Variants in GREM2 observed in about 807,000 individuals in gnomAD.
GREM2 encodes gremlin-2.
In GREM2, 11 loss-of-function variants were observed where a neutral mutation model predicts 14.2. The ratio of observed to expected loss-of-function variants is 0.78; its 90% confidence interval spans 0.49 to 1.28. The LOEUF (loss-of-function observed/expected upper bound fraction) is 1.28. Ranked by LOEUF, GREM2 falls within the 50% of genes most tolerant of loss-of-function variation. The pLI is 0.00. For missense variants in GREM2, 210 were observed against 218.5 expected (o/e 0.96, Z 0.24); for synonymous variants, 98 against 97.6 (o/e 1.00, Z -0.02).
At chr1:240,605,407 G>GT (rs1163768842) in intron 1 of GREM2, among the ~76,000 whole-genome samples, 4 of 152,074 alleles carry the variant, frequency 2.6e-5, no homozygotes, top group Non-Finnish European at 5.9e-5. Flanking sequence ...AACGTGAGAG[G>GT]TTGAGGCTGC....
intron 1 of GREM2, among the ~76,000 whole-genome samples, chr1:240,562,958 GTGAGTGTGTGTA>G (rs1312759596): frequency 8.7e-6 from 1 of 115,340 alleles, no homozygotes; most frequent in African/African-American, 3.9e-5. Context: ...GTGTATGTGT[GTGAGTGTGTGTA>G]TGTGTGTATA....
At chr1:240,525,806 G>A (rs10802884) in intron 1 of GREM2, among the ~76,000 whole-genome samples, 3,257 of 152,206 alleles carry the variant, frequency 0.021, 105 homozygotes, top group African/African-American at 0.072. Flanking sequence ...GAGTTCTGTC[G>A]GTTAGAAATC....
intron 1 of GREM2, among the ~76,000 whole-genome samples, chr1:240,606,214 C>T (rs2102874559): frequency 6.6e-6 from 1 of 152,206 alleles, no homozygotes; most frequent in East Asian, 1.9e-4. Flanking sequence ...CAGTTTTGTG[C>T]TGAGAAATAA....
intron 1 of GREM2, among the ~76,000 whole-genome samples, chr1:240,573,993 C>T (rs1234861596): frequency 6.6e-6 from 1 of 152,180 alleles, no homozygotes; most frequent in Non-Finnish European, 1.5e-5. Flanking sequence ...GATCTTGGCT[C>T]ACAGCAACCT....
At chr1:240,554,367 C>A (rs1007493457) in intron 1 of GREM2, among the ~76,000 whole-genome samples, 1 of 150,556 alleles carries the variant, frequency 6.6e-6, no homozygotes, top group Admixed American at 6.6e-5. Flanking sequence ...GCTGAGACCC[C>A]GCCACTGCAC....
At chr1:240,510,227 G>C (rs1303934950) in intron 1 of GREM2, among the ~76,000 whole-genome samples, 1 of 151,790 alleles carries the variant, frequency 6.6e-6, no homozygotes, top group Non-Finnish European at 1.5e-5. Context: ...GAAATGAGCC[G>C]GGCGTGGTGG....
At chr1:240,525,930 A>C (rs766502876) in intron 1 of GREM2, among the ~76,000 whole-genome samples, 52 of 152,158 alleles carry the variant, frequency 3.4e-4, no homozygotes, top group Non-Finnish European at 2.1e-4. Flanking sequence ...AGTTGTGTAC[A>C]TTGATTGGCT....
At chr1:240,549,007 G>C (rs1217947502) in intron 1 of GREM2, among the ~76,000 whole-genome samples, 1 of 152,122 alleles carries the variant, frequency 6.6e-6, no homozygotes, top group Non-Finnish European at 1.5e-5. Context: ...AACAGATCCA[G>C]TCAAGGAAGC....
At chr1:240,609,029 A>ATGAAAT in intron 1 of GREM2, among the ~76,000 whole-genome samples, 1 of 152,322 alleles carries the variant, frequency 6.6e-6, no homozygotes, top group Middle Eastern at 3.4e-3. Context: ...GAGTTTATTT[A>ATGAAAT]AAATATTCAG....
intron 1 of GREM2, among the ~76,000 whole-genome samples, chr1:240,571,622 C>G (rs1020990720): frequency 3.9e-5 from 6 of 151,956 alleles, no homozygotes; most frequent in Admixed American, 2.6e-4. Context: ...CTTTTGTACC[C>G]GGGAGGCAGA....
intron 1 of GREM2, among the ~76,000 whole-genome samples, chr1:240,586,351 C>G (rs1036243669): frequency 5.9e-5 from 9 of 152,154 alleles, no homozygotes; most frequent in African/African-American, 1.4e-4. Context: ...TTCTCCTGAT[C>G]ACTACTTAGC....
chr1:240,509,658 G>A (rs1345612990), intron 1 of GREM2, among the ~76,000 whole-genome samples: 2 of 152,082 alleles, frequency 1.3e-5, no homozygotes, highest in African/African-American at 2.4e-5. Flanking sequence ...ATGAGCCACT[G>A]CACCCGGTGC....
intron 1 of GREM2, among the ~76,000 whole-genome samples, chr1:240,594,163 A>G (rs1679768844): frequency 6.6e-6 from 1 of 152,066 alleles, no homozygotes; most frequent in Admixed American, 6.5e-5. Context: ...CAAGTTTCCC[A>G]GGCTGGTCTT....
At chr1:240,504,881 T>C (rs1464910279) in intron 1 of GREM2, among the ~76,000 whole-genome samples, 4 of 152,200 alleles carry the variant, frequency 2.6e-5, no homozygotes, top group Non-Finnish European at 5.9e-5. Flanking sequence ...ATATTCTATT[T>C]ATGTGAACAC....
At chr1:240,521,409 A>T (rs1210840765) in intron 1 of GREM2, among the ~76,000 whole-genome samples, 3 of 151,826 alleles carry the variant, frequency 2.0e-5, no homozygotes, top group East Asian at 1.9e-4. Flanking sequence ...TCTACTAAAA[A>T]TACAAAAAAC....
intron 1 of GREM2, among the ~76,000 whole-genome samples, chr1:240,558,170 G>A (rs1276039869): frequency 2.0e-5 from 3 of 152,074 alleles, no homozygotes; most frequent in Non-Finnish European, 4.4e-5. Context: ...CACGTGGGGA[G>A]TGAGTAGATA....
intron 1 of GREM2, among the ~76,000 whole-genome samples, chr1:240,595,740 C>T (rs1266436560): frequency 1.3e-5 from 2 of 152,068 alleles, no homozygotes; most frequent in Non-Finnish European, 2.9e-5. Flanking sequence ...GAGCTCTGGA[C>T]TTTCATTTGT....
intron 1 of GREM2, among the ~76,000 whole-genome samples, chr1:240,501,264 G>C (rs1468931663): frequency 6.6e-6 from 1 of 152,204 alleles, no homozygotes; most frequent in Non-Finnish European, 1.5e-5. Flanking sequence ...CTTCAAAGCA[G>C]AAAGATCAGG....
chr1:240,501,732 G>A (rs1269718755), intron 1 of GREM2, among the ~76,000 whole-genome samples: 3 of 152,082 alleles, frequency 2.0e-5, no homozygotes, highest in South Asian at 2.1e-4. Flanking sequence ...TTGTGACCCC[G>A]TGTGACTCAC....
Sources: allele counts gnomAD v4.1 joint callset (sites outside exome capture counted in the v4.1 genomes callset), GRCh38; gene constraint gnomAD v4.1.1; transcripts MANE v1.5; gene names NCBI Gene and HGNC (gene_info 2026-07-23, HGNC 2026-07-21).